ZFHX3: variants seen among roughly 807,000 people sequenced by gnomAD.
The protein encoded by ZFHX3 is zinc finger homeobox 3.
Under a neutral mutation model 279.1 loss-of-function variants are expected in ZFHX3, and 42 were observed. That is an observed-to-expected ratio of 0.15 (90% CI 0.12 to 0.19). The LOEUF (loss-of-function observed/expected upper bound fraction) is 0.19, where lower values mean the gene tolerates loss of function less well. ZFHX3 is among the 10% of genes least tolerant of loss of function. The pLI is 1.00. For synonymous variants in ZFHX3, 2,293 were observed against 1,957.8 expected, an observed-to-expected ratio of 1.17 and a Z score of -4.52; for missense variants, 4,981 against 4,754.0, an observed-to-expected ratio of 1.05 and a Z score of -1.40.
rs3081625 is a variant in ZFHX3 at position 73,004,159 on chromosome 16, C to CTTTTTTTTTTTT, written c.-50+43581_-50+43592dup. On this transcript the variant is annotated intron_variant, in intron 1 of 9. Coordinates refer to ENST00000268489, the MANE Select transcript of ZFHX3 (RefSeq NM_006885.4). ...CAATAATAACTACATAAAAACACGA[C>CTTTTTTTTTTTT]TTTTTTTTTTTTTTTTTTTTTTTTT... Among the ~76,000 whole-genome samples, 308 of 49,366 alleles carry CTTTTTTTTTTTT rather than the reference C, an allele frequency of 6.2e-3. 57 individuals carry two copies. The highest frequency in any genetic ancestry group is 0.015 in the East Asian group (12 of 816). The allele number at this position is 49,366 out of a possible 152,430, so 32.4% of individuals were successfully genotyped here.
chr16:73,656,038 A>T (rs1024069627), intron 2 of ZFHX3, among the ~76,000 whole-genome samples: 2 of 152,252 alleles, frequency 1.3e-5, no homozygotes, highest in Non-Finnish European at 2.9e-5. Flanking sequence ...TTATGCAATG[A>T]TGAAAATGAA....
chr16:72,790,284 A>G (rs1046230834), intron 9 of ZFHX3: 1 of 152,538 alleles, frequency 6.6e-6, no homozygotes, highest in Middle Eastern at 3.1e-3. Flanking sequence ...TCCCACAGGC[A>G]ACAGCTCTCA....
intron 5 of ZFHX3, among the ~76,000 whole-genome samples, chr16:73,255,739 C>G (rs13335354): frequency 0.099 from 15,134 of 152,170 alleles, 1,237 homozygotes; most frequent in East Asian, 0.47. Context: ...TTAGGGGTCC[C>G]TGTGATTCCT....
chr16:73,344,281 C>T (rs906024472), intron 3 of ZFHX3, among the ~76,000 whole-genome samples: 1 of 152,118 alleles, frequency 6.6e-6, no homozygotes, highest in African/African-American at 2.4e-5. Context: ...TCACCTAGAT[C>T]TAATCATAAG....
chr16:73,724,402 T>C (rs2053500568), intron 1 of ZFHX3, among the ~76,000 whole-genome samples: 1 of 152,214 alleles, frequency 6.6e-6, no homozygotes, highest in Non-Finnish European at 1.5e-5. Context: ...GTTTGCTAAC[T>C]GGGAGATATT....
At chr16:73,748,564 C>G (rs1167125923) in intron 1 of ZFHX3, among the ~76,000 whole-genome samples, 1 of 152,134 alleles carries the variant, frequency 6.6e-6, no homozygotes, top group African/African-American at 2.4e-5. Flanking sequence ...ATGCTATACC[C>G]TCTGTTCAGT....
chr16:73,108,350 G>C (rs2032981078), intron 7 of ZFHX3, among the ~76,000 whole-genome samples: 1 of 151,682 alleles, frequency 6.6e-6, no homozygotes, highest in Admixed American at 6.6e-5. Context: ...AAAAGAGAGA[G>C]AGAGAATAAT....
chr16:73,292,640 G>C (rs1023402667), intron 4 of ZFHX3, among the ~76,000 whole-genome samples: 33 of 152,112 alleles, frequency 2.2e-4, no homozygotes, highest in African/African-American at 7.7e-4. Context: ...AAATTGCCCA[G>C]CTCTTCCCTT....
At chr16:73,754,800 G>A (rs1305534411) in intron 1 of ZFHX3, among the ~76,000 whole-genome samples, 1 of 152,024 alleles carries the variant, frequency 6.6e-6, no homozygotes, top group Non-Finnish European at 1.5e-5. Context: ...TTTTTAAAAT[G>A]ACACAATATA....
chr16:73,207,920 G>A (rs369868521), intron 5 of ZFHX3, among the ~76,000 whole-genome samples: 1 of 152,142 alleles, frequency 6.6e-6, no homozygotes, highest in Non-Finnish European at 1.5e-5. Flanking sequence ...ATGTATGTCC[G>A]TGCCCTTTGT....
intron 7 of ZFHX3, among the ~76,000 whole-genome samples, chr16:73,114,554 C>T (rs949402021): frequency 6.6e-6 from 1 of 151,952 alleles, no homozygotes; most frequent in East Asian, 2.0e-4. Context: ...TGGCACATGC[C>T]TGCAGTCCCA....
At chr16:72,984,411 G>A (rs575458839) in intron 1 of ZFHX3, among the ~76,000 whole-genome samples, 3 of 152,224 alleles carry the variant, frequency 2.0e-5, no homozygotes, top group African/African-American at 4.8e-5. Flanking sequence ...AGGATCACTT[G>A]AGCCCAGAAG....
chr16:73,335,154 C>T (rs771448540), intron 3 of ZFHX3, among the ~76,000 whole-genome samples: 55 of 152,046 alleles, frequency 3.6e-4, no homozygotes, highest in Non-Finnish European at 6.2e-4. Flanking sequence ...CATTTTAGTA[C>T]GAAAAGGGTG....
chr16:73,708,315 C>T, intron 1 of ZFHX3, among the ~76,000 whole-genome samples: 1 of 152,164 alleles, frequency 6.6e-6, no homozygotes, highest in East Asian at 1.9e-4. Context: ...CTAAATCACT[C>T]ACTTCTCAAT....
At chr16:72,850,649 C>G (rs916213483) in intron 4 of ZFHX3, among the ~76,000 whole-genome samples, 1 of 94 alleles carries the variant, frequency 0.011, no homozygotes, top group Admixed American at 0.083. Flanking sequence ...GCAAAGAGGC[C>G]GGGCTCGCCA....
intron 4 of ZFHX3, among the ~76,000 whole-genome samples, chr16:73,282,877 T>C (rs1038449452): frequency 6.6e-6 from 1 of 152,228 alleles, no homozygotes; most frequent in East Asian, 1.9e-4. Flanking sequence ...TCATTTGTCA[T>C]TTTTGTGTTC....
chr16:73,560,058 GA>G (rs199943760), intron 2 of ZFHX3, among the ~76,000 whole-genome samples: 117 of 151,912 alleles, frequency 7.7e-4, no homozygotes, highest in Middle Eastern at 6.8e-3. Flanking sequence ...CCTGAGGGGG[GA>G]AAAAAAACCC....
chr16:73,866,402 C>T (rs1962022536), intron 1 of ZFHX3, among the ~76,000 whole-genome samples: 1 of 151,660 alleles, frequency 6.6e-6, no homozygotes, highest in Non-Finnish European at 1.5e-5. Flanking sequence ...GGGTCTTGAA[C>T]TCTGCCCGCC....
intron 1 of ZFHX3, among the ~76,000 whole-genome samples, chr16:73,002,782 A>G (rs563799098): frequency 3.3e-5 from 5 of 152,326 alleles, no homozygotes; most frequent in African/African-American, 1.2e-4. Flanking sequence ...ATCTCCAAAA[A>G]GCCTCCAAAC....
Sources: allele counts gnomAD v4.1 joint callset (sites outside exome capture counted in the v4.1 genomes callset), GRCh38; gene constraint gnomAD v4.1.1; transcripts MANE v1.5; gene names NCBI Gene and HGNC (gene_info 2026-07-23, HGNC 2026-07-21).